RBM34: variants seen among roughly 807,000 people sequenced by gnomAD.
RBM34 encodes RNA-binding protein 34.
RBM34 carries 39 observed loss-of-function variants against 44.6 expected under a neutral mutation model. That is an observed-to-expected ratio of 0.87 (90% CI 0.68 to 1.14). RBM34 has a LOEUF of 1.14. Among genes scored for constraint, RBM34 ranks in the 50% most tolerant of loss-of-function variants. The probability of loss-of-function intolerance (pLI) is 0.00; values close to 1 mark genes in which losing one functional copy is unlikely to be tolerated. For synonymous variants in RBM34, 194 were observed against 184.0 expected (o/e 1.05, Z -0.44); for missense variants, 572 against 517.9 (o/e 1.10, Z -1.01).
At position 235,142,241 on chromosome 1, in the gene RBM34, C is replaced by A. The variant is rs547544599; in HGVS notation, c.702-4067G>T. On this transcript the variant is annotated intron_variant, in intron 6 of 10. Transcript: ENST00000408888. ...CAAGACAGCAGAGACCCTGCTGCGCCCACTCCCACCAGACTACCAAGCCAA... is the reference window on the plus strand; with the variant it reads ...CAAGACAGCAGAGACCCTGCTGCGCACACTCCCACCAGACTACCAAGCCAA... Among the ~76,000 whole-genome samples, 6 of 152,298 alleles carry A rather than the reference C, an allele frequency of 3.9e-5. No homozygotes were observed. The South Asian group carries it at 1.2e-3, about 32-fold the overall frequency.
rs939296148 is a variant in RBM34, at chr1:235,137,949, T to C, written c.786-9A>G. 6 of 1,598,274 alleles carry C rather than the reference T, an allele frequency of 3.8e-6. No individual in the cohort carries two copies. Among genetic ancestry groups the C allele is most frequent in the Non-Finnish European group, 5.1e-6 (6 of 1,167,814 alleles). On this transcript the variant is annotated splice_polypyrimidine_tract_variant and intron_variant, in intron 7 of 10. Transcript: ENST00000408888. ...CAATCTGGGCCCCATTTCTGTATTA[T>C]AAATACAAAGGGAAAATGGTTGTTA...
intron 3 of RBM34, among the ~76,000 whole-genome samples, chr1:235,156,348 C>A (rs1353010554): frequency 1.3e-5 from 2 of 152,126 alleles, no homozygotes; most frequent in Non-Finnish European, 2.9e-5. Flanking sequence ...ATCTGCCATG[C>A]AACAGCAGCA....
intron 5 of RBM34, 44 bp from the exon 6 acceptor site, chr1:235,148,491 A>G (rs1662008115): frequency 2.8e-6 from 4 of 1,417,992 alleles, no homozygotes; most frequent in Non-Finnish European, 2.9e-6. Context: ...TATTTGAAGT[A>G]TTACCTCAAA....
intron 6 of RBM34, among the ~76,000 whole-genome samples, chr1:235,147,749 T>C (rs1232335739): frequency 2.6e-5 from 4 of 152,238 alleles, no homozygotes; most frequent in Non-Finnish European, 4.4e-5. Context: ...TACATTATTA[T>C]ATTTTATCTA....
chr1:235,160,269 A>C, intron 3 of RBM34: 1 of 642,564 alleles, frequency 1.6e-6, no homozygotes, highest in South Asian at 1.5e-5. Flanking sequence ...ACAAAAACAA[A>C]TAATGAGGGG....
Position 235,131,788 on chromosome 1 carries a change from T to C in RBM34, c.1218A>G (p.Lys406=), listed in dbSNP as rs1274080104. The C allele has an allele frequency of 2.5e-6, 4 of 1,613,964 alleles. No homozygotes were observed. Among genetic ancestry groups the C allele is most frequent in the Non-Finnish European group, 3.4e-6 (4 of 1,179,946 alleles). Residue 406 remains lysine (K), a synonymous_variant, in exon 11 of 11, where the codon AAA becomes AAG. Coordinates refer to ENST00000408888, the MANE Select transcript of RBM34 (RefSeq NM_015014.4). ...TCTTCTTCGTTTTAAGGAGAACAGC[T>C]TTTTCTCCAATAAATAAGCTTTTAG... The part of the protein sequence containing the change: ...GHPKSLFIGE[K]AVLLKTKKKG...
chr1:235,138,062 T>A, intron 7 of RBM34, 29 bp downstream of exon 7: 1 of 1,577,324 alleles, frequency 6.3e-7, no homozygotes, highest in Non-Finnish European at 8.7e-7. Flanking sequence ...AGGACAATTA[T>A]TCTGTTCAAA....
chr1:235,160,379 G>A (rs1408116446), intron 3 of RBM34, 132 bp downstream of exon 3: 2 of 1,186,072 alleles, frequency 1.7e-6, no homozygotes, highest in Non-Finnish European at 2.4e-6. Flanking sequence ...TTTTCTATAT[G>A]TACTGGATTT....
chr1:235,148,665 G>C (rs1386679557), intron 5 of RBM34, among the ~76,000 whole-genome samples: 4 of 150,800 alleles, frequency 2.7e-5, no homozygotes, highest in African/African-American at 7.3e-5. Flanking sequence ...GTGGCATGAT[G>C]TCGGCTCATT....
In RBM34 at chr1:235,160,955, G is replaced by A. The variant is rs762383294; in HGVS notation, c.166C>T (p.Leu56=). ...EHHSRGGTGR[L]ASLFSSLEPQ... is the part of the protein sequence containing the mutation. ...TCCAGAGAACTGAAGAGGGACGCCA[G>A]CCGACCGGTGCCACCTCTGGAATGG... The change falls in exon 2 of 11, where the codon CTG becomes TTG. Residue 56 remains leucine (L), a synonymous_variant. Transcript: ENST00000408888. The A allele has an allele frequency of 1.2e-6, 2 of 1,614,166 alleles. No homozygotes were observed. Among genetic ancestry groups the A allele is most frequent in the Admixed American group, 3.3e-5 (2 of 60,016 alleles).
At chr1:235,152,554 A>G in intron 5 of RBM34, 152 bp downstream of exon 5, 1 of 1,399,540 alleles carries the variant, frequency 7.1e-7, no homozygotes, top group Non-Finnish European at 9.3e-7. Flanking sequence ...TCAGCAGTAG[A>G]TAGTAAGAGC....
chr1:235,152,754 C>T lies in RBM34; in HGVS notation c.609G>A (p.Ser203=), dbSNP rs770147107. Residue 203 remains serine (S), a synonymous_variant, in exon 5 of 11, where the codon TCG becomes TCA. Transcript: ENST00000408888. Reference sequence around the variant, plus strand: ...CTATTTGTCCATACTCTTTAAAAAACGACTTCAGCTTCTAAAATTAAAAAA... The same window carrying T: ...CTATTTGTCCATACTCTTTAAAAAATGACTTCAGCTTCTAAAATTAAAAAA... ...PVTCNKKKLK[S]FFKEYGQIES... is the part of the protein sequence containing the mutation. 1.4e-5 allele frequency: 22 copies of T among 1,577,890 alleles called. No individual in the cohort carries two copies. The Admixed American group carries it at 2.2e-4, about 16-fold the overall frequency.
chr1:235,155,168 AT>A, intron 3 of RBM34, 56 bp from the exon 4 acceptor site: 3 of 1,421,818 alleles, frequency 2.1e-6, no homozygotes, highest in East Asian at 2.3e-5. Flanking sequence ...TAGGTCTAGT[AT>A]TTGACAAAGC....
chr1:235,150,555 C>T (rs1354263593), intron 5 of RBM34, among the ~76,000 whole-genome samples: 1 of 151,990 alleles, frequency 6.6e-6, no homozygotes, highest in African/African-American at 2.4e-5. Flanking sequence ...AGGAAGGATT[C>T]CAGGCAAAAC....
chr1:235,152,501 T>G (rs1662208102), intron 5 of RBM34: 1 of 1,291,356 alleles, frequency 7.7e-7, no homozygotes, highest in African/African-American at 1.5e-5. Context: ...AAGAGTATCA[T>G]TTTATTAAGT....
rs961420560 is a variant in RBM34 at position 235,141,340 on chromosome 1, G to A, written c.702-3166C>T. Among the ~76,000 whole-genome samples the A allele has an allele frequency of 3.9e-5, 6 of 152,172 alleles. No individual in the cohort carries two copies. The South Asian group carries it at 8.3e-4, about 21-fold the overall frequency. ...CTCAGGGTTTGTGAGTGCACCAATC[G>A]ATACTCTGTATCTAGCTGCTCTGGT... On this transcript the variant is annotated intron_variant, in intron 6 of 10. Coordinates refer to ENST00000408888, the MANE Select transcript of RBM34 (RefSeq NM_015014.4).
In RBM34 at chr1:235,161,069, T is replaced by C. The variant is rs770623094; in HGVS notation, c.54-2A>G. Reference sequence around the variant, plus strand: ...CGAACGCCGTCGTCAGGATTCTCTCTAGAAATGGACGACAGAAACTCAGCC... The same window carrying C: ...CGAACGCCGTCGTCAGGATTCTCTCCAGAAATGGACGACAGAAACTCAGCC... On this transcript the variant is annotated splice_acceptor_variant, in intron 1 of 10. Transcript: ENST00000408888. LOFTEE classifies it high-confidence loss of function. 5.6e-6 allele frequency: 9 copies of C among 1,611,704 alleles called. No homozygotes were observed. In the African/African-American group the frequency reaches 8.0e-5, roughly 14 times the overall value.
In RBM34 at chr1:235,161,000, T is replaced by C; in HGVS notation, c.121A>G (p.Ser41Gly). Reference sequence around the variant, plus strand: ...GAATGGTGTTCGCCGCGAAATAAGCTACTGGCGACCTGTCCAAGCCTGTAG... The same window carrying C: ...GAATGGTGTTCGCCGCGAAATAAGCCACTGGCGACCTGTCCAAGCCTGTAG... ...EDYRLGQVAS[S>G]LFRGEHHSRG... The change falls in exon 2 of 11, where the codon AGC (serine) becomes GGC (glycine). Residue 41 changes from serine to glycine, a missense_variant. By Grantham distance (56) the Ser-to-Gly change is moderately conservative. Coordinates refer to ENST00000408888, the MANE Select transcript of RBM34 (RefSeq NM_015014.4). 6.2e-7 allele frequency: 1 copy of C among 1,614,148 alleles called. No individual in the cohort carries two copies. Among genetic ancestry groups the C allele is most frequent in the Non-Finnish European group, 8.5e-7 (1 of 1,180,022 alleles).
intron 5 of RBM34, among the ~76,000 whole-genome samples, chr1:235,151,927 G>A (rs565558481): frequency 7.2e-4 from 110 of 152,192 alleles, no homozygotes; most frequent in African/African-American, 2.5e-3. Flanking sequence ...CAGCTACTTG[G>A]GAGGCTGAGG....
Sources: allele counts gnomAD v4.1 joint callset (sites outside exome capture counted in the v4.1 genomes callset), GRCh38; gene constraint gnomAD v4.1.1; transcripts MANE v1.5; gene names NCBI Gene and HGNC (gene_info 2026-07-23, HGNC 2026-07-21).